The following SORCS1 variants were observed in gnomAD, a reference collection of about 807,000 sequenced individuals.
SORCS1 encodes the protein VPS10 domain-containing receptor SorCS1.
SORCS1 carries 60 observed loss-of-function variants against 146.1 expected under a neutral mutation model. The ratio of observed to expected loss-of-function variants is 0.41; its 90% CI spans 0.33 to 0.51. The LOEUF is 0.51. Ranked by LOEUF, SORCS1 falls within the 20% of genes least tolerant of loss-of-function variation. The probability of loss-of-function intolerance (pLI) is 0.21; values close to 1 mark genes in which losing one functional copy is unlikely to be tolerated. For synonymous variants in SORCS1, 637 were observed against 584.0 expected (o/e 1.09, Z -1.31); for missense variants, 1,352 against 1,487.6 (o/e 0.91, Z 1.50).
At position 106,648,025 on chromosome 10, in the gene SORCS1, G is replaced by A. The variant is rs1277863059; in HGVS notation, c.2475+4357C>T. ...TGGGACCACAGACACACGACACCAC[G>A]CCTGGCTATTTTTTTTAATTATTTT... is the stretch of plus-strand genomic sequence containing the variant. On this transcript the variant is annotated intron_variant, in intron 18 of 25. Transcript: ENST00000263054. Among the ~76,000 whole-genome samples, 6 of 146,746 alleles carry A rather than the reference G, an allele frequency of 4.1e-5. No individual in the cohort carries two copies. In the East Asian group the frequency reaches 6.6e-4, roughly 16 times the overall value.
chr10:106,697,943 A>G (rs565406042), intron 9 of SORCS1, among the ~76,000 whole-genome samples: 7 of 152,328 alleles, frequency 4.6e-5, no homozygotes, highest in African/African-American at 1.7e-4. Flanking sequence ...GTCATACATG[A>G]TATTGTATTT....
intron 3 of SORCS1, among the ~76,000 whole-genome samples, chr10:106,787,534 T>C (rs182411475): frequency 6.6e-6 from 1 of 152,184 alleles, no homozygotes; most frequent in African/African-American, 2.4e-5. Flanking sequence ...GCCAACCCTA[T>C]AAAACACTCA....
At chr10:106,675,947 G>A (rs573990782) in intron 13 of SORCS1, among the ~76,000 whole-genome samples, 1 of 152,216 alleles carries the variant, frequency 6.6e-6, no homozygotes, top group Admixed American at 6.5e-5. Flanking sequence ...GAATCTGCCA[G>A]CATTTTGATA....
intron 3 of SORCS1, among the ~76,000 whole-genome samples, chr10:106,809,686 A>AT (rs1208266410): frequency 6.6e-6 from 1 of 152,144 alleles, no homozygotes; most frequent in Non-Finnish European, 1.5e-5. Flanking sequence ...ATATATATAT[A>AT]AAAAATCTCC....
chr10:106,774,777 T>C (rs1018598227), intron 4 of SORCS1, among the ~76,000 whole-genome samples: 1 of 152,296 alleles, frequency 6.6e-6, no homozygotes, highest in East Asian at 1.9e-4. Flanking sequence ...ATTGGTCAAC[T>C]CATATGTGTT....
chr10:106,906,984 T>C (rs970381351), intron 2 of SORCS1, among the ~76,000 whole-genome samples: 1 of 152,192 alleles, frequency 6.6e-6, no homozygotes, highest in African/African-American at 2.4e-5. Flanking sequence ...GCTATTTCAC[T>C]GTGCTTTTTC....
chr10:107,150,235 T>C (rs968606770), intron 1 of SORCS1, among the ~76,000 whole-genome samples: 9 of 152,344 alleles, frequency 5.9e-5, no homozygotes, highest in East Asian at 1.9e-4. Flanking sequence ...AGTATTTTTA[T>C]TATTAAAGAA....
chr10:106,833,980 AGATGGGGTTTCACCG>A (rs1232448644), intron 2 of SORCS1, among the ~76,000 whole-genome samples: 1 of 152,058 alleles, frequency 6.6e-6, no homozygotes, highest in Non-Finnish European at 1.5e-5. Flanking sequence ...TTTTTAGTAG[AGATGGGGTTTCACCG>A]TGTTAGCCAG....
At chr10:106,842,051 C>A (rs1239778184) in intron 2 of SORCS1, among the ~76,000 whole-genome samples, 1 of 152,134 alleles carries the variant, frequency 6.6e-6, no homozygotes, top group Non-Finnish European at 1.5e-5. Flanking sequence ...AGCAGTGAAT[C>A]AGAGTTCCTG....
rs778161168 is a variant in SORCS1 at position 106,579,440 on chromosome 10, T to C, written c.3300A>G (p.Gly1100=). ...CTGAGAGCAGCATCAGCATGGCAGA[T>C]CCACTGTGGGTTGGAGTGAGGTCCA... is the stretch of plus-strand genomic sequence containing the variant. ...PLVDLTPTHS[G]SAMLMLLSVV... is the part of the protein sequence containing the mutation. Residue 1100 remains glycine, a synonymous_variant, in exon 25 of 26, where the codon GGA becomes GGG. Coordinates refer to ENST00000263054, the MANE Select transcript of SORCS1 (RefSeq NM_052918.5). 6.2e-7 allele frequency: 1 copy of C among 1,613,500 alleles called. No homozygotes were observed. Among genetic ancestry groups the C allele is most frequent in the Non-Finnish European group, 8.5e-7 (1 of 1,179,856 alleles).
chr10:106,946,666 C>T (rs193121179), intron 2 of SORCS1, among the ~76,000 whole-genome samples: 24 of 152,260 alleles, frequency 1.6e-4, no homozygotes, highest in Admixed American at 1.2e-3. Context: ...ATTAGCAGCA[C>T]GGGAACAGAC....
intron 5 of SORCS1, among the ~76,000 whole-genome samples, chr10:106,744,643 C>T (rs1240106327): frequency 1.3e-5 from 2 of 152,058 alleles, no homozygotes; most frequent in African/African-American, 2.4e-5. Context: ...AATTTAGAAC[C>T]TTCATTCTTT....
intron 1 of SORCS1, among the ~76,000 whole-genome samples, chr10:107,004,431 A>C (rs1957355445): frequency 6.6e-6 from 1 of 152,186 alleles, no homozygotes; most frequent in Admixed American, 6.5e-5. Context: ...GGTGGAGAGA[A>C]AAAGAAGAGC....
Position 106,661,797 on chromosome 10 carries a change from C to T in SORCS1, c.2303+5892G>A, listed in dbSNP as rs143415241. Among the ~76,000 whole-genome samples the T allele has an allele frequency of 6.4e-3, 968 of 152,294 alleles. 13 individuals carry two copies. Among genetic ancestry groups the T allele is most frequent in the African/African-American group, 0.022 (897 of 41,560 alleles). On this transcript the variant is annotated intron_variant, in intron 17 of 25. Transcript: ENST00000263054. ...TCATTCCAATTACTCACTTTTTCAC[C>T]GAACAAAACATCCCCAATTGTATTT...
chr10:106,899,870 G>T (rs1188197981), intron 2 of SORCS1, among the ~76,000 whole-genome samples: 1 of 151,900 alleles, frequency 6.6e-6, no homozygotes, highest in Non-Finnish European at 1.5e-5. Context: ...CATGTAAATA[G>T]CAGAATAAGC....
At chr10:106,780,537 T>A (rs1306755060) in intron 3 of SORCS1, among the ~76,000 whole-genome samples, 1 of 152,186 alleles carries the variant, frequency 6.6e-6, no homozygotes, top group Non-Finnish European at 1.5e-5. Context: ...GTCCACATAC[T>A]GTTGTAAATG....
chr10:106,854,859 T>G (rs1449658631), intron 2 of SORCS1, among the ~76,000 whole-genome samples: 1 of 152,162 alleles, frequency 6.6e-6, no homozygotes, highest in Admixed American at 6.5e-5. Context: ...GCATACGTAA[T>G]TGAATACATT....
chr10:106,625,106 T>A (rs1885350), intron 19 of SORCS1, among the ~76,000 whole-genome samples: 7 of 152,176 alleles, frequency 4.6e-5, no homozygotes, highest in Admixed American at 3.9e-4. Flanking sequence ...AATGGGGAAT[T>A]GTGTGAACTG....
At chr10:106,962,443 G>A (rs1243950717) in intron 1 of SORCS1, among the ~76,000 whole-genome samples, 1 of 149,256 alleles carries the variant, frequency 6.7e-6, no homozygotes, top group Non-Finnish European at 1.5e-5. Context: ...AAAGAAAATG[G>A]GGACATATCT....
Sources: gnomAD v4.1 joint callset for allele counts (sites outside exome capture counted in the v4.1 genomes callset) on GRCh38, gnomAD v4.1.1 for gene constraint, MANE v1.5 for transcripts, NCBI Gene and HGNC (gene_info 2026-07-23, HGNC 2026-07-21) for gene names.